Variants in MMP24 observed in about 807,000 individuals in gnomAD.
The protein encoded by MMP24 is matrix metallopeptidase 24, also known as matrix metalloproteinase-24.
MMP24 carries 25 observed loss-of-function variants against 62.8 expected under a neutral mutation model. The ratio of observed to expected loss-of-function variants is 0.40; its 90% CI spans 0.29 to 0.56. The LOEUF (loss-of-function observed/expected upper bound fraction) is 0.56, where lower values mean the gene tolerates loss of function less well. Among genes scored for constraint, MMP24 ranks in the 20% least tolerant of loss-of-function variants. The probability of loss-of-function intolerance (pLI) is 0.50; values close to 1 mark genes in which losing one functional copy is unlikely to be tolerated. For missense variants in MMP24, 634 were observed against 853.6 expected, an observed-to-expected ratio of 0.74 and a Z score of 3.21; for synonymous variants, 319 against 350.5, an observed-to-expected ratio of 0.91 and a Z score of 1.00.
chr20:35,254,890 G>A, intron 4 of MMP24, 136 bp downstream of exon 4: 1 of 1,003,770 alleles, frequency 1.0e-6, no homozygotes, highest in Non-Finnish European at 1.4e-6. Flanking sequence ...GGTGGGAACT[G>A]TGATTTCTGA....
intron 8 of MMP24, chr20:35,272,044 C>A: frequency 1.6e-6 from 1 of 617,730 alleles, no homozygotes; most frequent in South Asian, 2.0e-5. Context: ...AGGAATGATT[C>A]ACGGCAGAGA....
At chr20:35,252,169 C>G in intron 3 of MMP24, 148 bp downstream of exon 3, 1 of 661,698 alleles carries the variant, frequency 1.5e-6, no homozygotes, top group Non-Finnish European at 2.7e-6. Context: ...GGCATTGGCA[C>G]TAGGTGCTGA....
chr20:35,267,176 CCTCT>C (rs902915821), intron 5 of MMP24, 25 bp from the exon 6 acceptor site: 13 of 1,535,828 alleles, frequency 8.5e-6, no homozygotes, highest in Admixed American at 1.9e-5. Context: ...ACGGCTGCCC[CCTCT>C]CTAAGATGCA....
At chr20:35,227,832 T>G (rs943676962) in intron 1 of MMP24, among the ~76,000 whole-genome samples, 1 of 152,150 alleles carries the variant, frequency 6.6e-6, no homozygotes, top group Non-Finnish European at 1.5e-5. Context: ...GGATACAGAC[T>G]CAAAGAGCTT....
rs1249354161 is a variant in MMP24, at chr20:35,269,308, A to G, written c.1195-452A>G. ...AATGTGAATTCATGCCCAGGTCTCGAGGGAATTCCCATGACTTGGCTTCCA... is the reference window on the plus strand; with the variant it reads ...AATGTGAATTCATGCCCAGGTCTCGGGGGAATTCCCATGACTTGGCTTCCA... On this transcript the variant is annotated intron_variant, in intron 6 of 8. Transcript: ENST00000246186. This position sits in a 1 kb window ranked among gnomAD's most constrained non-coding sequence, Gnocchi z 4.6. 6.6e-6 allele frequency among the ~76,000 whole-genome samples: 1 copy of G among 152,196 alleles called. No homozygotes were observed. The highest frequency in any genetic ancestry group is 2.4e-5 in the African/African-American group (1 of 41,458).
At chr20:35,234,076 T>TC (rs1274661735) in intron 1 of MMP24, among the ~76,000 whole-genome samples, 1 of 152,116 alleles carries the variant, frequency 6.6e-6, no homozygotes, top group African/African-American at 2.4e-5. Flanking sequence ...TACCACCCAT[T>TC]CTCCCCATTG....
intron 1 of MMP24, among the ~76,000 whole-genome samples, chr20:35,241,197 A>G (rs2060486667): frequency 6.6e-6 from 1 of 152,226 alleles, no homozygotes; most frequent in African/African-American, 2.4e-5. Flanking sequence ...TGCCCAGAGA[A>G]GGCAGAGGAT....
intron 5 of MMP24, among the ~76,000 whole-genome samples, chr20:35,265,381 G>T (rs2060627471): frequency 6.6e-6 from 1 of 151,774 alleles, no homozygotes; most frequent in South Asian, 2.1e-4. Flanking sequence ...GGCGGAGGTT[G>T]CAGTGAGCTG....
chr20:35,267,442 A>C, intron 6 of MMP24, 23 bp downstream of exon 6: 1 of 1,546,012 alleles, frequency 6.5e-7, no homozygotes, highest in Non-Finnish European at 8.8e-7. Flanking sequence ...GATTGGCACC[A>C]CCCAGCTGGC....
intron 4 of MMP24, 119 bp downstream of exon 4, chr20:35,254,873 G>GT: frequency 1.7e-6 from 2 of 1,145,430 alleles, no homozygotes; most frequent in South Asian, 1.6e-5. Flanking sequence ...AACTAAGACC[G>GT]TAAGAGGGTG....
At chr20:35,227,080 T>A in intron 1 of MMP24, 96 bp downstream of exon 1, 1 of 932,258 alleles carries the variant, frequency 1.1e-6, no homozygotes, top group Non-Finnish European at 1.3e-6. Flanking sequence ...CCGCACCTAC[T>A]GCCGAGGTCG....
chr20:35,264,307 T>C (rs1244589847), intron 5 of MMP24: 1 of 167,216 alleles, frequency 6.0e-6, no homozygotes, highest in Non-Finnish European at 1.3e-5. Flanking sequence ...CTCCCATAGA[T>C]TCCACCTCTA....
chr20:35,253,270 C>CTTGTTTTTTTTTTTTTTTT (rs2060557206), intron 3 of MMP24, among the ~76,000 whole-genome samples: 1 of 79,078 alleles, frequency 1.3e-5, no homozygotes, highest in Admixed American at 1.4e-4. Flanking sequence ...CAGAACGGGA[C>CTTGTTTTTTTTTTTTTTTT]TTTTTTTTTT....
intron 5 of MMP24, 22 bp downstream of exon 5, chr20:35,263,974 G>GA (rs763071084): frequency 6.3e-7 from 1 of 1,579,626 alleles, no homozygotes; most frequent in Admixed American, 1.8e-5. Context: ...GGAGAGGGGG[G>GA]ACTGCTCCTT....
chr20:35,253,270 C>CTTTTTTTTTTTTTTTTTTT lies in MMP24; in HGVS notation c.513-1175_513-1157dup, dbSNP rs34474017. Among the ~76,000 whole-genome samples the CTTTTTTTTTTTTTTTTTTT allele has an allele frequency of 1.1e-4, 9 of 79,078 alleles. 2 individuals are homozygous for CTTTTTTTTTTTTTTTTTTT. Among genetic ancestry groups the CTTTTTTTTTTTTTTTTTTT allele is most frequent in the African/African-American group, 4.7e-4 (8 of 17,170 alleles). 51.9% of individuals were successfully genotyped at this position (79,078 alleles called of 152,430 possible). ...GACAAGCACTCCCTACAGAACGGGA[C>CTTTTTTTTTTTTTTTTTTT]TTTTTTTTTTTTTTTTTTTTTTTCA... On this transcript the variant is annotated intron_variant, in intron 3 of 8. Coordinates refer to ENST00000246186, the MANE Select transcript of MMP24 (RefSeq NM_006690.4).
intron 6 of MMP24, 96 bp downstream of exon 6, chr20:35,267,515 C>A: frequency 7.7e-7 from 1 of 1,295,226 alleles, no homozygotes; most frequent in Non-Finnish European, 1.1e-6. Context: ...ATTTGGGATT[C>A]GATTACAATG....
intron 7 of MMP24, among the ~76,000 whole-genome samples, chr20:35,270,808 G>A (rs535948387): frequency 2.6e-5 from 4 of 152,360 alleles, no homozygotes; most frequent in South Asian, 4.1e-4. Context: ...GGGAGGCCAA[G>A]GCTGGCAGAT....
chr20:35,262,991 CAGA>C (rs1314994292), intron 4 of MMP24: 2 of 152,054 alleles, frequency 1.3e-5, no homozygotes, highest in Non-Finnish European at 2.9e-5. Context: ...AATCTCAAGG[CAGA>C]AGAATTTTTC....
chr20:35,266,769 A>C (rs1026881988), intron 5 of MMP24, among the ~76,000 whole-genome samples: 9 of 152,140 alleles, frequency 5.9e-5, no homozygotes, highest in Admixed American at 2.0e-4. Flanking sequence ...CAGATGATGC[A>C]TGTGCTTATT....
Sources: gnomAD v4.1 joint callset for allele counts (sites outside exome capture counted in the v4.1 genomes callset) on GRCh38, gnomAD v4.1.1 for gene constraint, Gnocchi (gnomAD v3.1) non-coding constraint, MANE v1.5 for transcripts, NCBI Gene and HGNC (gene_info 2026-07-23, HGNC 2026-07-21) for gene names.